BICC1: variants seen among roughly 807,000 people sequenced by gnomAD.
BICC1 encodes the protein BicC family RNA binding protein 1, also known as protein bicaudal C homolog 1.
BICC1 carries 43 observed loss-of-function variants against 111.0 expected under a neutral mutation model. That is an observed-to-expected ratio of 0.39 (90% CI 0.30 to 0.50). The LOEUF (loss-of-function observed/expected upper bound fraction) is 0.50. BICC1 is among the 20% of genes least tolerant of loss of function. The pLI, the probability that BICC1 is intolerant of heterozygous loss-of-function variation, is 0.88. For missense variants in BICC1, 1,091 were observed against 1,203.2 expected (o/e 0.91, Z 1.38); for synonymous variants, 467 against 434.4 (o/e 1.07, Z -0.93).
At chr10:58,693,547 G>A (rs1162526785) in intron 2 of BICC1, among the ~76,000 whole-genome samples, 2 of 152,056 alleles carry the variant, frequency 1.3e-5, no homozygotes, top group Non-Finnish European at 2.9e-5. Flanking sequence ...CTTAATGATC[G>A]CCATTCTAAC....
chr10:58,517,466 A>C lies in BICC1; in HGVS notation c.190+4133A>C, dbSNP rs147564078. On this transcript the variant is annotated intron_variant, in intron 1 of 20. Transcript: ENST00000373886. Reference sequence around the variant, plus strand: ...AAAATGATTTGATGAACAGATAATAATTTAGACTTTTTTCATGAGAGCGGG... The same window carrying C: ...AAAATGATTTGATGAACAGATAATACTTTAGACTTTTTTCATGAGAGCGGG... Among the ~76,000 whole-genome samples, 35 of 152,320 alleles carry C rather than the reference A, an allele frequency of 2.3e-4. 1 individual carries two copies. Among genetic ancestry groups the C allele is most frequent in the African/African-American group, 8.4e-4 (35 of 41,574 alleles).
At chr10:58,822,657 T>C (rs1434157855) in intron 20 of BICC1, among the ~76,000 whole-genome samples, 2 of 152,182 alleles carry the variant, frequency 1.3e-5, no homozygotes, top group Admixed American at 6.5e-5. Context: ...TGTCTTACTT[T>C]GTTGAGTGCA....
At chr10:58,769,396 G>GTATATATATATATATA (rs1271499930) in intron 3 of BICC1, among the ~76,000 whole-genome samples, 6 of 105,112 alleles carry the variant, frequency 5.7e-5, no homozygotes, top group East Asian at 3.6e-4. Context: ...GTGTGTGTGT[G>GTATATATATATATATA]TGTGTGTGTA....
Position 58,516,002 on chromosome 10 carries a change from C to G in BICC1, c.190+2669C>G, listed in dbSNP as rs114817100. Among the ~76,000 whole-genome samples the G allele has an allele frequency of 9.0e-3, 1,372 of 152,038 alleles. 18 individuals are homozygous for G. The highest frequency in any genetic ancestry group is 0.032 in the African/African-American group (1,321 of 41,462). On this transcript the variant is annotated intron_variant, in intron 1 of 20. Transcript: ENST00000373886. ...CATAATTGCAGAAGTAAAATAGAAA[C>G]TAAAGAAGTAAGTCTATCAAGTCAA...
chr10:58,527,973 T>C (rs1842589280), intron 1 of BICC1, among the ~76,000 whole-genome samples: 1 of 151,932 alleles, frequency 6.6e-6, no homozygotes, highest in African/African-American at 2.4e-5. Flanking sequence ...ATGATAACAT[T>C]TGTAAGGCTG....
At chr10:58,760,613 TAAA>T (rs1564598233) in intron 3 of BICC1, among the ~76,000 whole-genome samples, 1 of 152,006 alleles carries the variant, frequency 6.6e-6, no homozygotes, top group African/African-American at 2.4e-5. Flanking sequence ...TCTGGGAAAA[TAAA>T]AAATGATGAG....
At chr10:58,747,457 C>A (rs1219058273) in intron 3 of BICC1, among the ~76,000 whole-genome samples, 2 of 152,046 alleles carry the variant, frequency 1.3e-5, no homozygotes, top group African/African-American at 4.8e-5. Flanking sequence ...GGGGTTTATA[C>A]ATTTTATTTA....
In BICC1 at chr10:58,733,772, T is replaced by C. The variant is rs549373186; in HGVS notation, c.307+31629T>C. On this transcript the variant is annotated intron_variant, in intron 3 of 20. Coordinates refer to ENST00000373886, the MANE Select transcript of BICC1 (RefSeq NM_001080512.3). Reference sequence around the variant, plus strand: ...ATCATAAATGCATTGCTGGTTGGCATTGATAGTCTTGGAAGTGGTTTTCTT... The same window carrying C: ...ATCATAAATGCATTGCTGGTTGGCACTGATAGTCTTGGAAGTGGTTTTCTT... Among the ~76,000 whole-genome samples, 7 of 152,352 alleles carry C rather than the reference T, an allele frequency of 4.6e-5. No homozygotes were observed. In the South Asian group the frequency reaches 1.5e-3, roughly 32 times the overall value.
At chr10:58,726,906 G>A (rs927121763) in intron 3 of BICC1, among the ~76,000 whole-genome samples, 47 of 152,190 alleles carry the variant, frequency 3.1e-4, no homozygotes, top group African/African-American at 9.4e-4. Context: ...GACTGTTGTT[G>A]TACAAAATGG....
intron 3 of BICC1, among the ~76,000 whole-genome samples, chr10:58,718,788 G>T (rs181547422): frequency 6.7e-6 from 1 of 150,064 alleles, no homozygotes; most frequent in African/African-American, 2.5e-5. Flanking sequence ...GCGCGCGTGC[G>T]CACGCCCGCG....
chr10:58,666,045 A>G (rs568799514), intron 2 of BICC1, among the ~76,000 whole-genome samples: 1 of 152,368 alleles, frequency 6.6e-6, no homozygotes, highest in African/African-American at 2.4e-5. Context: ...TAAAAACTTC[A>G]GCCAAATTAA....
At chr10:58,552,193 T>C (rs1043799237) in intron 1 of BICC1, among the ~76,000 whole-genome samples, 1 of 151,984 alleles carries the variant, frequency 6.6e-6, no homozygotes, top group African/African-American at 2.4e-5. Flanking sequence ...TTACCTACAG[T>C]GTTTGAGGGG....
At chr10:58,821,728 T>G (rs1844256346) in intron 20 of BICC1, among the ~76,000 whole-genome samples, 1 of 152,166 alleles carries the variant, frequency 6.6e-6, no homozygotes, top group East Asian at 1.9e-4. Context: ...AAATGCATAA[T>G]TCCTGCTCAT....
chr10:58,805,407 C>A (rs76588173), intron 15 of BICC1, among the ~76,000 whole-genome samples: 3,167 of 152,234 alleles, frequency 0.021, 59 homozygotes, highest in Middle Eastern at 0.034. Context: ...AACCAGTAGG[C>A]CCTCAATGAA....
chr10:58,641,112 AAATG>A (rs1838109386), intron 2 of BICC1, among the ~76,000 whole-genome samples: 1 of 152,214 alleles, frequency 6.6e-6, no homozygotes, highest in Non-Finnish European at 1.5e-5. Flanking sequence ...TCAGCAGGAA[AAATG>A]AAGCATCTCA....
At chr10:58,565,495 T>A (rs1843727391) in intron 1 of BICC1, among the ~76,000 whole-genome samples, 1 of 152,148 alleles carries the variant, frequency 6.6e-6, no homozygotes, top group African/African-American at 2.4e-5. Flanking sequence ...ATCCTCTGAG[T>A]CAGAGAGCAG....
intron 20 of BICC1, among the ~76,000 whole-genome samples, chr10:58,821,900 C>T (rs1844260991): frequency 6.6e-6 from 1 of 152,084 alleles, no homozygotes; most frequent in Non-Finnish European, 1.5e-5. Flanking sequence ...CAAAGGTCAC[C>T]TTCCATTTCT....
intron 3 of BICC1, among the ~76,000 whole-genome samples, chr10:58,761,336 G>T (rs111471016): frequency 1.4e-3 from 216 of 152,256 alleles, no homozygotes; most frequent in African/African-American, 5.1e-3. Context: ...CCTAGAGCTG[G>T]GGGCAGTGAC....
At position 58,795,840 on chromosome 10, in the gene BICC1, A is replaced by G. The variant is rs535927453; in HGVS notation, c.1180-500A>G. 2.0e-5 allele frequency among the ~76,000 whole-genome samples: 3 copies of G among 152,304 alleles called. No individual in the cohort carries two copies. The South Asian group carries it at 6.2e-4, about 32-fold the overall frequency. ...TCTATTAGCTAACTAGTAAACCATA[A>G]ATGTCAAACATAAGTGATGATGATG... On this transcript the variant is annotated intron_variant, in intron 9 of 20. Coordinates refer to ENST00000373886, the MANE Select transcript of BICC1 (RefSeq NM_001080512.3).
Sources: gnomAD v4.1 joint callset for allele counts (sites outside exome capture counted in the v4.1 genomes callset) on GRCh38, gnomAD v4.1.1 for gene constraint, MANE v1.5 for transcripts, NCBI Gene and HGNC (gene_info 2026-07-23, HGNC 2026-07-21) for gene names.